KLHL31: variants seen among roughly 807,000 people sequenced by gnomAD.
KLHL31 encodes kelch like family member 31, also known as kelch-like protein 31.
KLHL31 carries 32 observed loss-of-function variants against 47.1 expected under a neutral mutation model. The observed-to-expected ratio is 0.68, with a 90% CI of 0.51 to 0.91. The LOEUF is 0.91. KLHL31 is among the 40% of genes least tolerant of loss of function. The pLI, the probability that KLHL31 is intolerant of heterozygous loss-of-function variation, is 0.00. For missense variants in KLHL31, 797 were observed against 819.3 expected (o/e 0.97, Z 0.33); for synonymous variants, 330 against 325.1 (o/e 1.01, Z -0.16).
At chr6:53,660,009 C>A (rs1262143293) in intron 1 of KLHL31, among the ~76,000 whole-genome samples, 3 of 152,160 alleles carry the variant, frequency 2.0e-5, no homozygotes, top group Non-Finnish European at 4.4e-5. Flanking sequence ...TAGTCTCTTG[C>A]GCTTGTCCTA....
In KLHL31 at chr6:53,652,185, C is replaced by A. The variant is rs1396227933; in HGVS notation, c.1318G>T (p.Val440Leu). The change falls in exon 3 of 3, where the codon GTG (valine) becomes TTG (leucine). Residue 440 changes from valine (V) to leucine (L), a missense_variant. Physicochemically the swap from Val to Leu is conservative, Grantham distance 32. Coordinates refer to ENST00000370905, the MANE Select transcript of KLHL31 (RefSeq NM_001003760.5). ...GGCTGCCACTGATTGGTGGAGGGCA[C>A]GTAGCACTCCAGCGAGGCCAGGCTT... ...EGSLASLECY[V>L]PSTNQWQPKT... is the part of the protein sequence containing the mutation. The A allele has an allele frequency of 6.2e-7, 1 of 1,610,714 alleles. No individual in the cohort carries two copies. The highest frequency in any genetic ancestry group is 2.2e-5 in the East Asian group (1 of 44,882).
Position 53,654,163 on chromosome 6 carries a change from G to C in KLHL31, c.1110C>G (p.Ala370=). ...VAVMDGFLYV[A]GGEDQNDARN... ...TTGCATCATTCTGGTCTTCACCACC[G>C]GCTACATAAAGAAATCCATCCATCA... Residue 370 remains alanine (A), a synonymous_variant, in exon 2 of 3, where the codon GCC becomes GCG. Coordinates refer to ENST00000370905, the MANE Select transcript of KLHL31 (RefSeq NM_001003760.5). 5.0e-6 allele frequency: 8 copies of C among 1,613,826 alleles called. No homozygotes were observed. The highest frequency in any genetic ancestry group is 6.8e-6 in the Non-Finnish European group (8 of 1,179,918).
intron 1 of KLHL31, among the ~76,000 whole-genome samples, chr6:53,663,759 T>C (rs1043112937): frequency 2.0e-5 from 3 of 152,202 alleles, no homozygotes; most frequent in African/African-American, 7.2e-5. Context: ...TTTTCTTTCC[T>C]AGTATTTTGT....
In KLHL31 at chr6:53,651,983, C is replaced by T; in HGVS notation, c.1520G>A (p.Cys507Tyr). 1 of 1,592,438 alleles carries T rather than the reference C, an allele frequency of 6.3e-7. No homozygotes were observed. The highest frequency in any genetic ancestry group is 8.5e-7 in the Non-Finnish European group (1 of 1,175,650). ...CACTCTGTCGCTCAGCGTGACCGCG[C>T]AGTGCCAGCCCCGGGGTGTGCTGAG... ...PNLSTPRGWH[C>Y]AVTLSDRVYV... Residue 507 changes from cysteine (C) to tyrosine (Y), a missense_variant, in exon 3 of 3, where the codon TGC (cysteine) becomes TAC (tyrosine). By Grantham distance (194) the Cys-to-Tyr change is radical. Transcript: ENST00000370905.
Position 53,665,602 on chromosome 6 carries a change from C to G in KLHL31, c.-35G>C, listed in dbSNP as rs1010148073. On this transcript the variant is annotated splice_region_variant and 5_prime_UTR_variant, in exon 1 of 3. Coordinates refer to ENST00000370905, the MANE Select transcript of KLHL31 (RefSeq NM_001003760.5). ...GCGACTCTGGTCCCAGCTCCTTACC[C>G]TCCTTGGGTGAAGTGGCAGGTCAAC... 4.6e-5 allele frequency: 7 copies of G among 152,522 alleles called. No homozygotes were observed. The highest frequency in any genetic ancestry group is 6.5e-5 in the Admixed American group (1 of 15,300). 9.4% of individuals were successfully genotyped at this position (152,522 alleles called of 1,614,324 possible).
intron 1 of KLHL31, among the ~76,000 whole-genome samples, chr6:53,661,999 T>A (rs1199994415): frequency 6.6e-6 from 1 of 152,216 alleles, no homozygotes; most frequent in Non-Finnish European, 1.5e-5. Context: ...CTCTCTTTTT[T>A]CTTTTTAACG....
chr6:53,656,400 T>C (rs1320865797), intron 1 of KLHL31, among the ~76,000 whole-genome samples: 1 of 151,994 alleles, frequency 6.6e-6, no homozygotes, highest in African/African-American at 2.4e-5. Flanking sequence ...AAATTTTGGA[T>C]CAGGAATAAA....
chr6:53,653,512 G>T (rs1764506541), intron 2 of KLHL31, among the ~76,000 whole-genome samples: 1 of 152,010 alleles, frequency 6.6e-6, no homozygotes, highest in Admixed American at 6.6e-5. Context: ...TTTTTCTGAA[G>T]GATGTGTTTT....
chr6:53,660,237 T>C (rs944055501), intron 1 of KLHL31, among the ~76,000 whole-genome samples: 1 of 152,124 alleles, frequency 6.6e-6, no homozygotes, highest in Non-Finnish European at 1.5e-5. Flanking sequence ...TTGCTGAATA[T>C]ACCATGTGCA....
rs2127368592 is a variant in KLHL31, at chr6:53,654,885, T to C, written c.388A>G (p.Thr130Ala). The C allele has an allele frequency of 3.1e-6, 5 of 1,614,162 alleles. No homozygotes were observed. Among genetic ancestry groups the C allele is most frequent in the East Asian group, 4.5e-5 (2 of 44,888 alleles). ...TACAAGGAGAGAGTGAGCTTTCCAG[T>C]GTAGGCATATGCAATGACAGTGGCC... Reference protein sequence around the residue: ...GLATVIAYAYTGKLTLSLYTI... With the variant: ...GLATVIAYAYAGKLTLSLYTI... The change falls in exon 2 of 3, where the codon ACT becomes GCT. Residue 130 changes from threonine (T) to alanine (A), a missense_variant. Physicochemically the swap from Thr to Ala is moderately conservative, Grantham distance 58. Transcript: ENST00000370905.
At chr6:53,657,610 T>TTGTGTGTG (rs57566339) in intron 1 of KLHL31, among the ~76,000 whole-genome samples, 6,483 of 138,738 alleles carry the variant, frequency 0.047, 189 homozygotes, top group Admixed American at 0.078. Flanking sequence ...TGTTTTTGTT[T>TTGTGTGTG]TGTGTGTGTG....
chr6:53,652,419 A>G, intron 2 of KLHL31, 89 bp from the exon 3 acceptor site: 1 of 1,538,694 alleles, frequency 6.5e-7, no homozygotes, highest in Non-Finnish European at 8.9e-7. Context: ...GAAGCCTGAC[A>G]CTACCCCTGC....
Position 53,655,060 on chromosome 6 carries a change from G to C in KLHL31, c.213C>G (p.Phe71Leu), listed in dbSNP as rs780769353. The C allele has an allele frequency of 6.2e-7, 1 of 1,613,990 alleles. No individual in the cohort carries two copies. Among genetic ancestry groups the C allele is most frequent in the East Asian group, 2.2e-5 (1 of 44,870 alleles). ...EGLSKMRQENFLCDLVIGTKT... is the reference protein window; with the variant it reads ...EGLSKMRQENLLCDLVIGTKT... Reference sequence around the variant, plus strand: ...TGGTACCAATGACTAAGTCACATAGGAAGTTCTCCTGCCGCATTTTACTTA... The same window carrying C: ...TGGTACCAATGACTAAGTCACATAGCAAGTTCTCCTGCCGCATTTTACTTA... The change falls in exon 2 of 3, where the codon TTC becomes TTG. Residue 71 changes from phenylalanine (F) to leucine (L), a missense_variant. Physicochemically the swap from Phe to Leu is conservative, Grantham distance 22. Coordinates refer to ENST00000370905, the MANE Select transcript of KLHL31 (RefSeq NM_001003760.5).
rs1176533223 is a variant in KLHL31 at position 53,651,617 on chromosome 6, G to T, written c.1886C>A (p.Ser629Tyr). Residue 629 changes from serine to tyrosine, a missense_variant, in exon 3 of 3, where the codon TCT becomes TAT. Ser to Tyr is a moderately radical substitution (Grantham distance 144). Transcript: ENST00000370905. ...CTGGGCTCAGATACTGACTGGCACA[G>T]AAGATACCGAACTGGCCCGGGATTC... The part of the protein sequence containing the change: ...TRESRASSVS[S>Y]VPVSI 6.2e-7 allele frequency: 1 copy of T among 1,613,868 alleles called. No individual in the cohort carries two copies. The highest frequency in any genetic ancestry group is 8.5e-7 in the Non-Finnish European group (1 of 1,179,888).
intron 2 of KLHL31, 100 bp downstream of exon 2, chr6:53,654,001 C>A: frequency 2.1e-6 from 2 of 952,322 alleles, no homozygotes; most frequent in Non-Finnish European, 1.6e-6. Flanking sequence ...ATTTACTAAG[C>A]CAATGGACTA....
chr6:53,652,356 A>C, intron 2 of KLHL31, 26 bp from the exon 3 acceptor site: 3 of 1,611,492 alleles, frequency 1.9e-6, no homozygotes, highest in East Asian at 4.5e-5. Flanking sequence ...AAGGTGTAAC[A>C]GCTTTGTCGG....
At position 53,647,956 on chromosome 6, in the gene KLHL31, T is replaced by G. The variant is rs1384273000; in HGVS notation, c.*3642A>C. On this transcript the variant is annotated 3_prime_UTR_variant, in exon 3 of 3. Transcript: ENST00000370905. ...TGCAGCTTTATTGATAGTGATGAGATTACAAAATAACACTACATACATTTT... is the reference window on the plus strand; with the variant it reads ...TGCAGCTTTATTGATAGTGATGAGAGTACAAAATAACACTACATACATTTT... 2 of 152,674 alleles carry G rather than the reference T, an allele frequency of 1.3e-5. No homozygotes were observed. Among genetic ancestry groups the G allele is most frequent in the Non-Finnish European group, 2.9e-5 (2 of 68,038 alleles). The allele number at this position is 152,674 out of a possible 1,614,324, so 9.5% of individuals were successfully genotyped here.
intron 1 of KLHL31, among the ~76,000 whole-genome samples, chr6:53,660,619 G>T (rs1764630784): frequency 6.6e-6 from 1 of 152,138 alleles, no homozygotes; most frequent in Non-Finnish European, 1.5e-5. Flanking sequence ...TTCAAGACCA[G>T]CCTGGCCAAC....
rs1215731556 is a variant in KLHL31, at chr6:53,651,847, C to T, written c.1656G>A (p.Gln552=). ...TGQWSYAAPL[Q]VGVSTAGVSA... is the part of the protein sequence containing the mutation. ...AGACGCCCGCAGTGCTCACTCCCACCTGCAGCGGCGCCGCGTAGCTCCACT... is the reference window on the plus strand; with the variant it reads ...AGACGCCCGCAGTGCTCACTCCCACTTGCAGCGGCGCCGCGTAGCTCCACT... The change falls in exon 3 of 3, where the codon CAG becomes CAA. Residue 552 remains glutamine (Q), a synonymous_variant. Transcript: ENST00000370905. The T allele has an allele frequency of 6.2e-7, 1 of 1,606,982 alleles. No homozygotes were observed. Among genetic ancestry groups the T allele is most frequent in the African/African-American group, 1.3e-5 (1 of 75,036 alleles).
Sources: allele counts gnomAD v4.1 joint callset (sites outside exome capture counted in the v4.1 genomes callset), GRCh38; gene constraint gnomAD v4.1.1; transcripts MANE v1.5; gene names NCBI Gene and HGNC (gene_info 2026-07-23, HGNC 2026-07-21).